The following RBMS3 variants were observed in gnomAD, a reference collection of about 807,000 sequenced individuals.
RBMS3 encodes the protein RNA binding motif single stranded interacting protein 3, also known as RNA-binding motif, single-stranded-interacting protein 3.
A neutral mutation model predicts 66.8 loss-of-function variants in RBMS3; 27 were observed. The ratio of observed to expected loss-of-function variants is 0.40; its 90% CI spans 0.30 to 0.56. The LOEUF (loss-of-function observed/expected upper bound fraction) is 0.56, where lower values mean the gene tolerates loss of function less well. Among genes scored for constraint, RBMS3 ranks in the 20% least tolerant of loss-of-function variants. RBMS3 has a pLI of 0.40. For missense variants in RBMS3, 513 were observed against 549.5 expected (o/e 0.93, Z 0.66); for synonymous variants, 188 against 183.0 (o/e 1.03, Z -0.22).
intron 7 of RBMS3, among the ~76,000 whole-genome samples, chr3:29,877,833 ATTGCCCTCAGT>A (rs1264630651): frequency 6.6e-6 from 1 of 152,118 alleles, no homozygotes; most frequent in Non-Finnish European, 1.5e-5. Context: ...GAACTAATAA[ATTGCCCTCAGT>A]TTTGCTCTAG....
chr3:29,656,627 A>G (rs187223815), intron 4 of RBMS3, among the ~76,000 whole-genome samples: 1 of 152,294 alleles, frequency 6.6e-6, no homozygotes, highest in East Asian at 1.9e-4. Flanking sequence ...TGAGTTCATG[A>G]GTTTATACCT....
chr3:29,992,575 C>G (rs2149805104), intron 14 of RBMS3, among the ~76,000 whole-genome samples: 2 of 152,022 alleles, frequency 1.3e-5, no homozygotes, highest in African/African-American at 4.8e-5. Context: ...GCACTCCAGC[C>G]TGGGTGACAG....
intron 12 of RBMS3, among the ~76,000 whole-genome samples, chr3:29,980,777 T>C (rs544441275): frequency 3.2e-4 from 49 of 152,292 alleles, no homozygotes; most frequent in African/African-American, 1.2e-3. Flanking sequence ...TCTGTTCTTT[T>C]CCCTTGGTCT....
At chr3:29,712,002 C>G (rs1335696933) in intron 4 of RBMS3, among the ~76,000 whole-genome samples, 1 of 152,102 alleles carries the variant, frequency 6.6e-6, no homozygotes, top group African/African-American at 2.4e-5. Context: ...CTTTGCTGCT[C>G]CTTTTTCTTC....
intron 11 of RBMS3, among the ~76,000 whole-genome samples, chr3:29,937,723 T>C (rs1201897798): frequency 1.3e-5 from 2 of 152,028 alleles, no homozygotes; most frequent in African/African-American, 4.8e-5. Flanking sequence ...TTTAACTATA[T>C]GCTGTGGTAC....
At chr3:29,989,139 G>A (rs2371909) in intron 13 of RBMS3, among the ~76,000 whole-genome samples, 19,472 of 152,194 alleles carry the variant, frequency 0.13, 1,489 homozygotes, top group Middle Eastern at 0.19. Flanking sequence ...GAAAGAAGTT[G>A]TACAACTCTT....
At chr3:29,349,885 T>A (rs997863138) in intron 1 of RBMS3, among the ~76,000 whole-genome samples, 20 of 152,242 alleles carry the variant, frequency 1.3e-4, no homozygotes, top group African/African-American at 4.8e-4. Flanking sequence ...TCAGGCCGGG[T>A]GAGGTGACTC....
intron 6 of RBMS3, among the ~76,000 whole-genome samples, chr3:29,844,427 A>G (rs2058732307): frequency 6.6e-6 from 1 of 152,210 alleles, no homozygotes; most frequent in Non-Finnish European, 1.5e-5. Context: ...TTGTTAGAGA[A>G]CACAGAGTAT....
intron 3 of RBMS3, among the ~76,000 whole-genome samples, chr3:29,559,510 CAAAAAAAAAAAAAAAAAAAAAAAAAAAA>C (rs553520590): frequency 9.7e-5 from 4 of 41,370 alleles, no homozygotes; most frequent in East Asian, 4.8e-4. Flanking sequence ...GACTCTGTCT[CAAAAAAAAAAAAAAAAAAAAAAAAAAAA>C]AAAAAAAAAA....
chr3:29,884,056 T>G (rs773941529), intron 7 of RBMS3, 106 bp from the exon 8 acceptor site: 195 of 986,824 alleles, frequency 2.0e-4, no homozygotes, highest in Non-Finnish European at 2.9e-4. Context: ...AAAATAAACT[T>G]AGATCATGGA....
At chr3:29,542,542 G>A (rs1427307918) in intron 3 of RBMS3, among the ~76,000 whole-genome samples, 1 of 151,974 alleles carries the variant, frequency 6.6e-6, no homozygotes, top group Admixed American at 6.6e-5. Context: ...TTGTATTTTT[G>A]TAGGGACGGG....
chr3:29,787,068 C>A (rs2056845552), intron 6 of RBMS3, among the ~76,000 whole-genome samples: 1 of 151,836 alleles, frequency 6.6e-6, no homozygotes, highest in Admixed American at 6.6e-5. Flanking sequence ...GGCCAACAAG[C>A]AAATGGAAAA....
chr3:29,329,278 T>G (rs1332973239), intron 1 of RBMS3, among the ~76,000 whole-genome samples: 1 of 152,112 alleles, frequency 6.6e-6, no homozygotes, highest in Non-Finnish European at 1.5e-5. Flanking sequence ...CATTTACAAG[T>G]GTTGTAAGTA....
At chr3:29,443,136 T>C (rs2041688612) in intron 2 of RBMS3, among the ~76,000 whole-genome samples, 1 of 152,078 alleles carries the variant, frequency 6.6e-6, no homozygotes, top group African/African-American at 2.4e-5. Flanking sequence ...ACTTATCCCT[T>C]CTTTAAGGGA....
At chr3:29,774,472 T>TA (rs901598485) in intron 6 of RBMS3, among the ~76,000 whole-genome samples, 2 of 151,938 alleles carry the variant, frequency 1.3e-5, no homozygotes, top group African/African-American at 4.8e-5. Context: ...GGTTTTAAAA[T>TA]AAAAAAATCT....
At chr3:29,499,117 C>A (rs1208116699) in intron 3 of RBMS3, among the ~76,000 whole-genome samples, 2 of 151,996 alleles carry the variant, frequency 1.3e-5, no homozygotes, top group Non-Finnish European at 2.9e-5. Context: ...TTTGTTCACT[C>A]CTTTGTTATG....
intron 3 of RBMS3, among the ~76,000 whole-genome samples, chr3:29,569,669 T>C (rs964230771): frequency 1.1e-4 from 17 of 152,270 alleles, no homozygotes; most frequent in African/African-American, 4.1e-4. Flanking sequence ...AACTGGCTTC[T>C]GATATCTTTG....
intron 3 of RBMS3, among the ~76,000 whole-genome samples, chr3:29,539,134 T>C (rs1442139327): frequency 6.6e-6 from 1 of 152,100 alleles, no homozygotes; most frequent in Non-Finnish European, 1.5e-5. Context: ...TTACAGCTGT[T>C]TGGGTCTTAC....
At chr3:29,676,105 A>G (rs973643687) in intron 4 of RBMS3, among the ~76,000 whole-genome samples, 9 of 152,220 alleles carry the variant, frequency 5.9e-5, no homozygotes, top group Non-Finnish European at 1.2e-4. Flanking sequence ...ATAAAAAAGG[A>G]TGAGTTCATG....
Sources: gnomAD v4.1 joint callset for allele counts (sites outside exome capture counted in the v4.1 genomes callset) on GRCh38, gnomAD v4.1.1 for gene constraint, MANE v1.5 for transcripts, NCBI Gene and HGNC (gene_info 2026-07-23, HGNC 2026-07-21) for gene names.